The following TMC2 variants were observed in gnomAD, a reference collection of about 807,000 sequenced individuals.
TMC2 encodes the protein transmembrane channel like 2, also known as transmembrane channel-like protein 2.
A neutral mutation model predicts 105.9 loss-of-function variants in TMC2; 102 were observed. That is an observed-to-expected ratio of 0.96 (90% confidence interval 0.82 to 1.14). TMC2 has a LOEUF of 1.14. Ranked by LOEUF, TMC2 falls within the 50% of genes most tolerant of loss-of-function variation. TMC2 has a pLI of 0.00. For missense variants in TMC2, 1,093 were observed against 1,134.3 expected (o/e 0.96, Z 0.52); for synonymous variants, 402 against 422.8 (o/e 0.95, Z 0.60).
chr20:2,624,377 C>A lies in TMC2; in HGVS notation c.2287C>A (p.Pro763Thr), dbSNP rs770903940. The change falls in exon 17 of 20, where the codon CCA (proline) becomes ACA (threonine). Residue 763 changes from proline (P) to threonine (T), a missense_variant. Transcript: ENST00000358864. The stretch of plus-strand genomic sequence containing the variant: ...CCTCGCCAATCCAGGCCTGATCATC[C>A]CAGCCATCCTGCTGATGTTGTAAGT... ...AFLANPGLII[P>T]AILLMFLAIY... The A allele has an allele frequency of 6.2e-7, 1 of 1,613,906 alleles. No homozygotes were observed. Among genetic ancestry groups the A allele is most frequent in the South Asian group, 1.1e-5 (1 of 90,996 alleles).
intron 7 of TMC2, among the ~76,000 whole-genome samples, chr20:2,591,501 T>C (rs1377007932): frequency 6.6e-6 from 1 of 152,066 alleles, no homozygotes; most frequent in Non-Finnish European, 1.5e-5. Context: ...GCCCAAGAGT[T>C]TGAGACCAGC....
At chr20:2,589,316 G>GTGTGTGTGTGTGTGTGTA (rs1202745650) in intron 7 of TMC2, among the ~76,000 whole-genome samples, 1 of 150,346 alleles carries the variant, frequency 6.7e-6, no homozygotes, top group East Asian at 2.0e-4. Flanking sequence ...GTGTGTGTGT[G>GTGTGTGTGTGTGTGTGTA]TGTGTGTGGA....
chr20:2,606,582 G>A (rs2086393400), intron 11 of TMC2, among the ~76,000 whole-genome samples: 1 of 152,064 alleles, frequency 6.6e-6, no homozygotes, highest in Admixed American at 6.6e-5. Flanking sequence ...AAAATGTTAG[G>A]CAGATTCAAA....
At chr20:2,568,214 A>C (rs1382419227) in intron 4 of TMC2, among the ~76,000 whole-genome samples, 1 of 152,234 alleles carries the variant, frequency 6.6e-6, no homozygotes, top group Non-Finnish European at 1.5e-5. Context: ...ACTTCTAAAA[A>C]CTTGTAGGCA....
intron 19 of TMC2, among the ~76,000 whole-genome samples, chr20:2,640,803 C>T (rs771576412): frequency 5.3e-5 from 8 of 152,120 alleles, no homozygotes; most frequent in Non-Finnish European, 7.4e-5. Flanking sequence ...CCTCCCCTTC[C>T]GTCATCACTT....
At chr20:2,554,634 A>T (rs546348539) in intron 2 of TMC2, among the ~76,000 whole-genome samples, 1 of 152,244 alleles carries the variant, frequency 6.6e-6, no homozygotes, top group Admixed American at 6.5e-5. Flanking sequence ...GACCAGTTGT[A>T]TTTTCATTTA....
intron 5 of TMC2, among the ~76,000 whole-genome samples, chr20:2,573,634 C>T (rs2122860002): frequency 6.8e-6 from 1 of 147,694 alleles, no homozygotes; most frequent in East Asian, 2.0e-4. Context: ...GACCTCGGCT[C>T]ACTGCGAGCT....
Position 2,612,177 on chromosome 20 carries a change from A to T in TMC2, c.1594-14A>T. 6.3e-7 allele frequency: 1 copy of T among 1,579,766 alleles called. No homozygotes were observed. The highest frequency in any genetic ancestry group is 8.7e-7 in the Non-Finnish European group (1 of 1,155,712). On this transcript the variant is annotated splice_polypyrimidine_tract_variant and intron_variant, in intron 12 of 19. Transcript: ENST00000358864. Reference sequence around the variant, plus strand: ...TAGCTCCTTCCTACCCCACACCTCCATCTTCTGTTCTAGCTTGCTAATGAA... The same window carrying T: ...TAGCTCCTTCCTACCCCACACCTCCTTCTTCTGTTCTAGCTTGCTAATGAA...
At chr20:2,565,429 G>GGCA (rs1271522853) in intron 4 of TMC2, among the ~76,000 whole-genome samples, 1 of 152,208 alleles carries the variant, frequency 6.6e-6, no homozygotes, top group Non-Finnish European at 1.5e-5. Context: ...TTGTTTTAGA[G>GGCA]ACAAGGTCTC....
At chr20:2,635,799 G>C in intron 17 of TMC2, 127 bp from the exon 18 acceptor site, 1 of 730,078 alleles carries the variant, frequency 1.4e-6, no homozygotes, top group Non-Finnish European at 2.4e-6. Flanking sequence ...AAAGAAGATG[G>C]TAGGACACCC....
chr20:2,589,269 C>CAT (rs764448789), intron 7 of TMC2, among the ~76,000 whole-genome samples: 1 of 84,712 alleles, frequency 1.2e-5, no homozygotes, highest in Non-Finnish European at 2.2e-5. Context: ...TCCTATTTGC[C>CAT]CTGTGTGTGT....
At chr20:2,576,148 G>A (rs2122866257) in intron 5 of TMC2, among the ~76,000 whole-genome samples, 1 of 152,178 alleles carries the variant, frequency 6.6e-6, no homozygotes, top group East Asian at 1.9e-4. Context: ...AGGACATGTA[G>A]CTTGCCTGTG....
rs182012413 is a variant in TMC2 at position 2,610,173 on chromosome 20, T to G, written c.1414-246T>G. Among the ~76,000 whole-genome samples, 5 of 152,278 alleles carry G rather than the reference T, an allele frequency of 3.3e-5. No homozygotes were observed. The East Asian group carries it at 7.7e-4, about 24-fold the overall frequency. ...CAGAAAGTGCTATTTTCATCAATAC[T>G]AGTAACAACAACCATTATAGCATCT... On this transcript the variant is annotated intron_variant, in intron 11 of 19. Coordinates refer to ENST00000358864, the MANE Select transcript of TMC2 (RefSeq NM_080751.3).
intron 2 of TMC2, among the ~76,000 whole-genome samples, chr20:2,557,492 A>G (rs1422235577): frequency 6.6e-6 from 1 of 152,002 alleles, no homozygotes; most frequent in East Asian, 1.9e-4. Context: ...TGTCCATTTT[A>G]TCCATTAGAT....
At chr20:2,552,076 C>T (rs2085960024) in intron 2 of TMC2, among the ~76,000 whole-genome samples, 2 of 151,398 alleles carry the variant, frequency 1.3e-5, no homozygotes, top group Admixed American at 1.3e-4. Flanking sequence ...TCAGGCAATA[C>T]AGAGACTCTA....
intron 10 of TMC2, 102 bp from the exon 11 acceptor site, chr20:2,602,011 C>T: frequency 1.3e-6 from 1 of 751,226 alleles, no homozygotes; most frequent in Non-Finnish European, 2.2e-6. Context: ...TGTATTATTT[C>T]ATTTCTGGAA....
At chr20:2,547,267 G>A (rs1219273936) in intron 2 of TMC2, among the ~76,000 whole-genome samples, 1 of 152,110 alleles carries the variant, frequency 6.6e-6, no homozygotes, top group Non-Finnish European at 1.5e-5. Context: ...AGGAAACATT[G>A]TGTCCAAATA....
intron 11 of TMC2, among the ~76,000 whole-genome samples, chr20:2,605,794 C>A (rs1023635895): frequency 6.6e-6 from 1 of 152,174 alleles, no homozygotes; most frequent in Non-Finnish European, 1.5e-5. Context: ...TATGGGTGAA[C>A]CTGATCTAAC....
chr20:2,554,484 A>T (rs979720292), intron 2 of TMC2, among the ~76,000 whole-genome samples: 2 of 152,078 alleles, frequency 1.3e-5, no homozygotes, highest in African/African-American at 4.8e-5. Flanking sequence ...TATTCTGCTT[A>T]CTTTGGATTT....
Sources: allele counts gnomAD v4.1 joint callset (sites outside exome capture counted in the v4.1 genomes callset), GRCh38; gene constraint gnomAD v4.1.1; transcripts MANE v1.5; gene names NCBI Gene and HGNC (gene_info 2026-07-23, HGNC 2026-07-21).